FGF12: variants seen among roughly 807,000 people sequenced by gnomAD.
FGF12 encodes the protein fibroblast growth factor 12, also known as fibroblast growth factor 12B.
Under a neutral mutation model 23.6 loss-of-function variants are expected in FGF12, and 14 were observed. The observed-to-expected ratio is 0.59, with a 90% CI of 0.39 to 0.93. The LOEUF is 0.93. Among genes scored for constraint, FGF12 ranks in the 40% least tolerant of loss-of-function variants. The probability of loss-of-function intolerance (pLI) is 0.00; values close to 1 mark genes in which losing one functional copy is unlikely to be tolerated. For missense variants in FGF12, 175 were observed against 217.8 expected, an observed-to-expected ratio of 0.80 and a Z score of 1.24; for synonymous variants, 62 against 77.3, an observed-to-expected ratio of 0.80 and a Z score of 1.04.
intron 4 of FGF12, among the ~76,000 whole-genome samples, chr3:192,307,892 C>T (rs1715732241): frequency 6.6e-6 from 1 of 152,148 alleles, no homozygotes; most frequent in Non-Finnish European, 1.5e-5. Context: ...TTAGGCTGTA[C>T]AACTCCATTT....
chr3:192,626,559 A>T (rs187920710), intron 2 of FGF12, among the ~76,000 whole-genome samples: 162 of 152,304 alleles, frequency 1.1e-3, no homozygotes, highest in Admixed American at 4.2e-3. Context: ...ATTAGTCATC[A>T]TTAGAGTAAG....
chr3:192,711,015 A>T (rs1363957735), intron 2 of FGF12, among the ~76,000 whole-genome samples: 1 of 152,146 alleles, frequency 6.6e-6, no homozygotes, highest in Non-Finnish European at 1.5e-5. Context: ...TACAACTAAG[A>T]TCATTGACAA....
intron 5 of FGF12, among the ~76,000 whole-genome samples, chr3:192,158,406 T>A (rs1385223962): frequency 1.0e-4 from 1 of 9,594 alleles, no homozygotes. Context: ...TCTTTCTTTT[T>A]CTTTCTTTCT....
At chr3:192,654,748 C>T (rs1446508549) in intron 2 of FGF12, among the ~76,000 whole-genome samples, 5 of 152,200 alleles carry the variant, frequency 3.3e-5, no homozygotes, top group African/African-American at 4.8e-5. Context: ...GTTTGACAGA[C>T]CTGTGTACCA....
intron 4 of FGF12, among the ~76,000 whole-genome samples, chr3:192,216,603 A>G (rs759235128): frequency 2.0e-5 from 3 of 152,258 alleles, no homozygotes; most frequent in Non-Finnish European, 4.4e-5. Context: ...AAAGATTTAT[A>G]AAAAGAAAAT....
intron 2 of FGF12, among the ~76,000 whole-genome samples, chr3:192,580,168 T>G (rs1401492206): frequency 6.6e-6 from 1 of 152,218 alleles, no homozygotes; most frequent in Non-Finnish European, 1.5e-5. Flanking sequence ...CTTTATTTGC[T>G]TATATACTTA....
chr3:192,552,265 C>T (rs906734909), intron 2 of FGF12, among the ~76,000 whole-genome samples: 2 of 151,698 alleles, frequency 1.3e-5, no homozygotes, highest in Admixed American at 1.3e-4. Flanking sequence ...ACAAGCAGAG[C>T]CCTGGTACCT....
At chr3:192,227,966 T>G (rs1718826366) in intron 4 of FGF12, among the ~76,000 whole-genome samples, 1 of 152,160 alleles carries the variant, frequency 6.6e-6, no homozygotes, top group South Asian at 2.1e-4. Flanking sequence ...TTTAAAAGTT[T>G]GTTTGTTTAG....
chr3:192,666,946 GATA>G (rs1716898546), intron 2 of FGF12, among the ~76,000 whole-genome samples: 1 of 151,970 alleles, frequency 6.6e-6, no homozygotes, highest in Non-Finnish European at 1.5e-5. Context: ...TAGATAGATA[GATA>G]GATAGATAGA....
intron 2 of FGF12, among the ~76,000 whole-genome samples, chr3:192,476,912 T>C (rs1723342298): frequency 6.6e-6 from 1 of 152,176 alleles, no homozygotes; most frequent in Non-Finnish European, 1.5e-5. Flanking sequence ...TGCTTTCGGA[T>C]GATTAAGTTG....
chr3:192,434,734 G>A (rs557724581), intron 2 of FGF12, among the ~76,000 whole-genome samples: 4 of 152,122 alleles, frequency 2.6e-5, no homozygotes, highest in Non-Finnish European at 2.9e-5. Context: ...TGTGCTACTC[G>A]AAATACAGTT....
intron 4 of FGF12, among the ~76,000 whole-genome samples, chr3:192,319,880 T>C (rs375581514): frequency 4.9e-4 from 75 of 152,114 alleles, no homozygotes; most frequent in African/African-American, 1.5e-3. Flanking sequence ...AATTAAAATA[T>C]GCTAGCAGAG....
At chr3:192,573,626 C>A (rs1712747543) in intron 2 of FGF12, among the ~76,000 whole-genome samples, 3 of 152,004 alleles carry the variant, frequency 2.0e-5, no homozygotes, top group African/African-American at 4.8e-5. Flanking sequence ...TCACATGAGC[C>A]AATTTCTTAT....
intron 2 of FGF12, among the ~76,000 whole-genome samples, chr3:192,502,764 G>C (rs1724169638): frequency 6.6e-6 from 1 of 152,172 alleles, no homozygotes; most frequent in Admixed American, 6.5e-5. Flanking sequence ...TTTCTCTATG[G>C]AATTGGGAGT....
intron 4 of FGF12, among the ~76,000 whole-genome samples, chr3:192,236,211 G>A (rs1719287484): frequency 6.8e-6 from 1 of 147,448 alleles, no homozygotes; most frequent in Non-Finnish European, 1.5e-5. Context: ...ATTTTGCTGT[G>A]TTCTGAGAGT....
chr3:192,177,601 T>A (rs780042799), intron 4 of FGF12, among the ~76,000 whole-genome samples: 2 of 152,190 alleles, frequency 1.3e-5, no homozygotes, highest in African/African-American at 2.4e-5. Context: ...GTTTCCTCCT[T>A]ACTGCTCTGG....
intron 4 of FGF12, among the ~76,000 whole-genome samples, chr3:192,190,144 T>C: frequency 6.6e-6 from 1 of 152,208 alleles, no homozygotes; most frequent in East Asian, 1.9e-4. Context: ...GCATAGACTT[T>C]GCATTTTTAT....
chr3:192,164,631 C>CAAAA lies in FGF12; in HGVS notation c.427+5823_427+5826dup, dbSNP rs1238388430. ...GCAGGAAAAAACAAAAGAACAAAAG[C>CAAAA]AAAACCCAAAGCCAAAAAAAACCCT... On this transcript the variant is annotated intron_variant, in intron 5 of 5. Coordinates refer to ENST00000445105, the MANE Select transcript of FGF12 (RefSeq NM_004113.6). Among the ~76,000 whole-genome samples the CAAAA allele has an allele frequency of 7.9e-5, 12 of 152,142 alleles. No homozygotes were observed. The East Asian group carries it at 2.3e-3, about 29-fold the overall frequency.
At chr3:192,320,365 A>C (rs7631206) in intron 4 of FGF12, among the ~76,000 whole-genome samples, 44,130 of 152,086 alleles carry the variant, frequency 0.29, 9,212 homozygotes, top group African/African-American at 0.58. Flanking sequence ...CAATAAAATA[A>C]TAACCGGAGA....
Sources: gnomAD v4.1 joint callset for allele counts (sites outside exome capture counted in the v4.1 genomes callset) on GRCh38, gnomAD v4.1.1 for gene constraint, MANE v1.5 for transcripts, NCBI Gene and HGNC (gene_info 2026-07-23, HGNC 2026-07-21) for gene names.